Variants in HES2 observed in about 807,000 individuals in gnomAD.
HES2 encodes transcription factor HES-2.
Under a neutral mutation model 11.9 loss-of-function variants are expected in HES2, and 11 were observed. That is an observed-to-expected ratio of 0.92 (90% CI 0.58 to 1.53). The LOEUF (loss-of-function observed/expected upper bound fraction) is 1.53. Among genes scored for constraint, HES2 ranks in the 40% most tolerant of loss-of-function variants. The pLI, the probability that HES2 is intolerant of heterozygous loss-of-function variation, is 0.00. For missense variants in HES2, 260 were observed against 253.8 expected (o/e 1.02, Z -0.16); for synonymous variants, 125 against 122.8 (o/e 1.02, Z -0.12).
Position 6,419,895 on chromosome 1 carries a change from C to T in HES2, c.-75G>A. 2.1e-6 allele frequency: 3 copies of T among 1,445,846 alleles called. No homozygotes were observed. The highest frequency in any genetic ancestry group is 1.4e-5 in the South Asian group (1 of 69,494). The allele number at this position is 1,445,846 out of a possible 1,614,324, so 89.6% of individuals were successfully genotyped here. A position where few individuals can be genotyped will look rare whatever the true frequency, so the allele number is the denominator to read the frequency against. ...GAGGTCCGAAATGAGGTCCCGGGCG[C>T]GGCCCGGGCTGGTGCCAGACGAGTG... is the stretch of plus-strand genomic sequence containing the variant. On this transcript the variant is annotated 5_prime_UTR_variant, in exon 1 of 4. Coordinates refer to ENST00000377834, the MANE Select transcript of HES2 (RefSeq NM_019089.5). The surrounding 1 kb of genome is among the most constrained non-coding windows in gnomAD (Gnocchi z 8.1).
At position 6,418,797 on chromosome 1, in the gene HES2, C is replaced by G. The variant is rs547470315; in HGVS notation, c.*76G>C. 32 of 1,255,562 alleles carry G rather than the reference C, an allele frequency of 2.5e-5. No individual in the cohort carries two copies. In the African/African-American group the frequency reaches 4.7e-4, roughly 18 times the overall value. 77.8% of individuals were successfully genotyped at this position (1,255,562 alleles called of 1,614,324 possible). A position where few individuals can be genotyped will look rare whatever the true frequency, so the allele number is the denominator to read the frequency against. ...GGCCCCTAATGATGGGAACAGCAGC[C>G]GCCACCAAGAGCTTCAACCTGTCCA... On this transcript the variant is annotated 3_prime_UTR_variant, in exon 4 of 4. Transcript: ENST00000377834.
chr1:6,419,573 C>G lies in HES2; in HGVS notation c.141+34G>C. On this transcript the variant is annotated intron_variant, in intron 2 of 3. Transcript: ENST00000377834. The surrounding 1 kb of genome is among the most constrained non-coding windows in gnomAD (Gnocchi z 8.1). ...GTCCCCCTGCCCCCGCTCCGCGCCC[C>G]AGGACCCTCTGCCCTCCGCCCGGGC... is the stretch of plus-strand genomic sequence containing the variant. 6.6e-7 allele frequency: 1 copy of G among 1,505,362 alleles called. No individual in the cohort carries two copies. The highest frequency in any genetic ancestry group is 8.9e-7 in the Non-Finnish European group (1 of 1,124,512). 93.3% of individuals were successfully genotyped at this position (1,505,362 alleles called of 1,614,324 possible).
chr1:6,417,224 A>T lies in HES2; in HGVS notation c.*1649T>A, dbSNP rs1458716641. ...TGGCTGAACAATGATTTTTTCAATA[A>T]TGCCTACAGCTTCCTTCATATCCTG... On this transcript the variant is annotated 3_prime_UTR_variant, in exon 4 of 4. Coordinates refer to ENST00000377834, the MANE Select transcript of HES2 (RefSeq NM_019089.5). 1.3e-5 allele frequency: 2 copies of T among 152,212 alleles called. No individual in the cohort carries two copies. Among genetic ancestry groups the T allele is most frequent in the Non-Finnish European group, 2.9e-5 (2 of 68,038 alleles). The allele number at this position is 152,212 out of a possible 1,614,324, so 9.4% of individuals were successfully genotyped here.
Position 6,418,999 on chromosome 1 carries a change from G to A in HES2, c.396C>T (p.Arg132=). ...RAASATLDGG[R]AGDSSGPSAP... ...CAGACGGGCCACTGGAATCCCCAGCGCGCCCGCCGTCCAGGGTGGCGCTGG... is the reference window on the plus strand; with the variant it reads ...CAGACGGGCCACTGGAATCCCCAGCACGCCCGCCGTCCAGGGTGGCGCTGG... Residue 132 remains arginine (R), a synonymous_variant, in exon 4 of 4, where the codon CGC becomes CGT. Transcript: ENST00000377834. 2 of 1,368,808 alleles carry A rather than the reference G, an allele frequency of 1.5e-6. No homozygotes were observed. Among genetic ancestry groups the A allele is most frequent in the Non-Finnish European group, 1.9e-6 (2 of 1,071,886 alleles). 84.8% of individuals were successfully genotyped at this position (1,368,808 alleles called of 1,614,324 possible). A position where few individuals can be genotyped will look rare whatever the true frequency, so the allele number is the denominator to read the frequency against.
At position 6,418,478 on chromosome 1, in the gene HES2, C is replaced by T. The variant is rs1642873840; in HGVS notation, c.*395G>A. ...GGGAGAGCAGTGACCAGGCAGGGTG[C>T]ACGGCTGCACTTTGCCCAGGTCCTG... On this transcript the variant is annotated 3_prime_UTR_variant, in exon 4 of 4. Coordinates refer to ENST00000377834, the MANE Select transcript of HES2 (RefSeq NM_019089.5). The T allele has an allele frequency of 5.5e-6, 1 of 183,350 alleles. No individual in the cohort carries two copies. The allele number at this position is 183,350 out of a possible 1,614,324, so 11.4% of individuals were successfully genotyped here. A position where few individuals can be genotyped will look rare whatever the true frequency, so the allele number is the denominator to read the frequency against.
In HES2 at chr1:6,419,260, T is replaced by C. The variant is rs1571372747; in HGVS notation, c.222A>G (p.Ser74=). The C allele has an allele frequency of 6.2e-7, 1 of 1,610,008 alleles. No homozygotes were observed. The highest frequency in any genetic ancestry group is 8.5e-7 in the Non-Finnish European group (1 of 1,178,964). The part of the protein sequence containing the change: ...VRFLQELPAS[S]WPTAAPLPCD... The stretch of plus-strand genomic sequence containing the variant: ...ACTCACGGGGCGCTGCCGTGGGCCA[T>C]GAGGACGCAGGCAGCTCCTGCAGGA... The change falls in exon 3 of 4, where the codon TCA becomes TCG. Residue 74 remains serine (S), a synonymous_variant. Coordinates refer to ENST00000377834, the MANE Select transcript of HES2 (RefSeq NM_019089.5). This position sits in a 1 kb window ranked among gnomAD's most constrained non-coding sequence, Gnocchi z 8.1.
chr1:6,419,795 T>C lies in HES2; in HGVS notation c.26A>G (p.Asp9Gly), dbSNP rs1366695870. MGLPRRAGDAAELRKSLKP... is the reference protein window; with the variant it reads MGLPRRAGGAAELRKSLKP... The stretch of plus-strand genomic sequence containing the variant: ...ACCCACCTTGCGCAGCTCCGCCGCG[T>C]CCCCTGCCCGGCGAGGCAGCCCCAT... Residue 9 changes from aspartate to glycine, a missense_variant, in exon 1 of 4, where the codon GAC (aspartate) becomes GGC (glycine). Asp to Gly is a moderately conservative substitution (Grantham distance 94). Transcript: ENST00000377834. This position sits in a 1 kb window ranked among gnomAD's most constrained non-coding sequence, Gnocchi z 8.1. The C allele has an allele frequency of 1.9e-6, 3 of 1,559,866 alleles. No individual in the cohort carries two copies. The highest frequency in any genetic ancestry group is 2.6e-6 in the Non-Finnish European group (3 of 1,158,140).
Position 6,418,336 on chromosome 1 carries a change from T to C in HES2, c.*537A>G, listed in dbSNP as rs1475989033. 6.5e-6 allele frequency: 1 copy of C among 153,314 alleles called. No homozygotes were observed. Among genetic ancestry groups the C allele is most frequent in the African/African-American group, 2.4e-5 (1 of 41,506 alleles). 9.5% of individuals were successfully genotyped at this position (153,314 alleles called of 1,614,324 possible). A position where few individuals can be genotyped will look rare whatever the true frequency, so the allele number is the denominator to read the frequency against. ...ACAGCTCCCAGCATATGCACCCTTT[T>C]GCTCTGCTCTGCTGCCCTGTAGAGC... On this transcript the variant is annotated 3_prime_UTR_variant, in exon 4 of 4. Transcript: ENST00000377834.
In HES2 at chr1:6,418,372, A is replaced by G. The variant is rs1194825387; in HGVS notation, c.*501T>C. On this transcript the variant is annotated 3_prime_UTR_variant, in exon 4 of 4. Transcript: ENST00000377834. ...GCTGCCCTGTAGAGCCCTGGAAGTG[A>G]CCAGAGCCCTTAGGCTACTGCTGCT... 6.5e-6 allele frequency: 1 copy of G among 154,884 alleles called. No homozygotes were observed. The highest frequency in any genetic ancestry group is 2.4e-5 in the African/African-American group (1 of 41,550). The allele number at this position is 154,884 out of a possible 1,614,324, so 9.6% of individuals were successfully genotyped here. A position where few individuals can be genotyped will look rare whatever the true frequency, so the allele number is the denominator to read the frequency against.
chr1:6,419,726 T>C lies in HES2; in HGVS notation c.46-24A>G. On this transcript the variant is annotated intron_variant, in intron 1 of 3. Coordinates refer to ENST00000377834, the MANE Select transcript of HES2 (RefSeq NM_019089.5). The surrounding 1 kb of genome is among the most constrained non-coding windows in gnomAD (Gnocchi z 8.1). ...CTCTGCGGACGGGCGGCGCGGTGGT[T>C]AGACGGGTCCCCGGAGTCCCCAGCC... 1 of 1,551,374 alleles carries C rather than the reference T, an allele frequency of 6.4e-7. No homozygotes were observed. Among genetic ancestry groups the C allele is most frequent in the Non-Finnish European group, 8.7e-7 (1 of 1,151,594 alleles).
rs1642836091 is a variant in HES2, at chr1:6,415,500, A to T, written c.*3373T>A. The T allele has an allele frequency of 6.6e-6, 1 of 151,386 alleles. No individual in the cohort carries two copies. The allele number at this position is 151,386 out of a possible 1,614,324, so 9.4% of individuals were successfully genotyped here. ...CGCCCATCCGAGATGAACCCACAGG[A>T]CACTCAGGATCCCAGACTGCAGGAG... is the stretch of plus-strand genomic sequence containing the variant. On this transcript the variant is annotated 3_prime_UTR_variant, in exon 4 of 4. Transcript: ENST00000377834.
Position 6,418,818 on chromosome 1 carries a change from G to A in HES2, c.*55C>T. On this transcript the variant is annotated 3_prime_UTR_variant, in exon 4 of 4. Transcript: ENST00000377834. Reference sequence around the variant, plus strand: ...CAGCCGCCACCAAGAGCTTCAACCTGTCCAGTGCCCCAAGGTCCCAAGCAG... The same window carrying A: ...CAGCCGCCACCAAGAGCTTCAACCTATCCAGTGCCCCAAGGTCCCAAGCAG... The A allele has an allele frequency of 7.8e-7, 1 of 1,284,200 alleles. No homozygotes were observed. Among genetic ancestry groups the A allele is most frequent in the Non-Finnish European group, 9.8e-7 (1 of 1,021,244 alleles). 79.6% of individuals were successfully genotyped at this position (1,284,200 alleles called of 1,614,324 possible).
In HES2 at chr1:6,419,890, G is replaced by C. The variant is rs1302581238; in HGVS notation, c.-70C>G. On this transcript the variant is annotated 5_prime_UTR_variant, in exon 1 of 4. Transcript: ENST00000377834. The surrounding 1 kb of genome is among the most constrained non-coding windows in gnomAD (Gnocchi z 8.1). ...AAACCGAGGTCCGAAATGAGGTCCC[G>C]GGCGCGGCCCGGGCTGGTGCCAGAC... is the stretch of plus-strand genomic sequence containing the variant. 1.4e-6 allele frequency: 2 copies of C among 1,455,910 alleles called. No homozygotes were observed. Among genetic ancestry groups the C allele is most frequent in the East Asian group, 5.8e-5 (2 of 34,636 alleles). 90.2% of individuals were successfully genotyped at this position (1,455,910 alleles called of 1,614,324 possible). A position where few individuals can be genotyped will look rare whatever the true frequency, so the allele number is the denominator to read the frequency against.
In HES2 at chr1:6,419,193, CGGGTGCG is replaced by C. The variant is rs764663702; in HGVS notation, c.241+41_242-41del. On this transcript the variant is annotated intron_variant, in intron 3 of 3. Coordinates refer to ENST00000377834, the MANE Select transcript of HES2 (RefSeq NM_019089.5). This position sits in a 1 kb window ranked among gnomAD's most constrained non-coding sequence, Gnocchi z 8.1. ...CCGCGTGAGGCGCGGGGTAGGGTGCCGGGTGCGGGGTGCAGAGCGCGCGGCAGGGCAG... is the reference window on the plus strand; with the variant it reads ...CCGCGTGAGGCGCGGGGTAGGGTGCCGGGTGCAGAGCGCGCGGCAGGGCAG... The C allele has an allele frequency of 6.3e-7, 1 of 1,585,262 alleles. No individual in the cohort carries two copies. The highest frequency in any genetic ancestry group is 1.1e-5 in the South Asian group (1 of 88,598).
Position 6,418,963 on chromosome 1 carries a change from T to C in HES2, c.432A>G (p.Pro144=), listed in dbSNP as rs762392716. 2 of 1,340,090 alleles carry C rather than the reference T, an allele frequency of 1.5e-6. No individual in the cohort carries two copies. Among genetic ancestry groups the C allele is most frequent in the Admixed American group, 8.3e-5 (2 of 24,150 alleles). The allele number at this position is 1,340,090 out of a possible 1,614,324, so 83.0% of individuals were successfully genotyped here. A position where few individuals can be genotyped will look rare whatever the true frequency, so the allele number is the denominator to read the frequency against. ...CGGGCTCTGGGGCAGACGCGGGCGC[T>C]GGGGCGGGGGCAGACGGGCCACTGG... The part of the protein sequence containing the change: ...GDSSGPSAPA[P]APASAPEPAS... Residue 144 remains proline (P), a synonymous_variant, in exon 4 of 4, where the codon CCA becomes CCG. Coordinates refer to ENST00000377834, the MANE Select transcript of HES2 (RefSeq NM_019089.5).
In HES2 at chr1:6,419,646, G is replaced by C. The variant is rs757571964; in HGVS notation, c.102C>G (p.Ser34Arg). ...RRRARINQSL[S>R]QLKGLILPLL... ...GCGGCAGGATGAGCCCCTTAAGCTG[G>C]CTCAGGCTCTGGTTGATGCGCGCGC... Residue 34 changes from serine (S) to arginine (R), a missense_variant, in exon 2 of 4, where the codon AGC (serine) becomes AGG (arginine). Transcript: ENST00000377834. The surrounding 1 kb of genome is among the most constrained non-coding windows in gnomAD (Gnocchi z 8.1). 4 of 1,552,586 alleles carry C rather than the reference G, an allele frequency of 2.6e-6. No homozygotes were observed. Among genetic ancestry groups the C allele is most frequent in the Non-Finnish European group, 3.5e-6 (4 of 1,152,448 alleles).
chr1:6,418,535 G>C lies in HES2; in HGVS notation c.*338C>G. The C allele has an allele frequency of 3.9e-6, 1 of 253,972 alleles. No individual in the cohort carries two copies. The allele number at this position is 253,972 out of a possible 1,614,324, so 15.7% of individuals were successfully genotyped here. On this transcript the variant is annotated 3_prime_UTR_variant, in exon 4 of 4. Transcript: ENST00000377834. ...GCTCTGGTCTGGTGCCAGTGCTGGG[G>C]TGGGTGTGTCGGCTGCCCACGCAGC...
chr1:6,416,227 AAATGACCCTTTGAATC>A lies in HES2; in HGVS notation c.*2630_*2645del, dbSNP rs1362198435. The A allele has an allele frequency of 6.6e-6, 1 of 152,280 alleles. No individual in the cohort carries two copies. The highest frequency in any genetic ancestry group is 1.5e-5 in the Non-Finnish European group (1 of 68,084). 9.4% of individuals were successfully genotyped at this position (152,280 alleles called of 1,614,324 possible). ...GGATGTGGGACTTGTGAAAGGTCAT[AAATGACCCTTTGAATC>A]AGTCTCCCTCTGCACAGGAAAAGCC... is the stretch of plus-strand genomic sequence containing the variant. On this transcript the variant is annotated 3_prime_UTR_variant, in exon 4 of 4. Coordinates refer to ENST00000377834, the MANE Select transcript of HES2 (RefSeq NM_019089.5).
At position 6,418,689 on chromosome 1, in the gene HES2, A is replaced by G; in HGVS notation, c.*184T>C. The G allele has an allele frequency of 2.0e-6, 1 of 492,674 alleles. No individual in the cohort carries two copies. The highest frequency in any genetic ancestry group is 3.2e-6 in the Non-Finnish European group (1 of 312,904). The allele number at this position is 492,674 out of a possible 1,614,324, so 30.5% of individuals were successfully genotyped here. On this transcript the variant is annotated 3_prime_UTR_variant, in exon 4 of 4. Coordinates refer to ENST00000377834, the MANE Select transcript of HES2 (RefSeq NM_019089.5). ...GCAGGGACGCTCCTTTTATTCCCTG[A>G]GCCGAGCCCCAGCCCCAGGGCTTTC...
Sources: gnomAD v4.1 joint callset for allele counts on GRCh38, gnomAD v4.1.1 for gene constraint, Gnocchi (gnomAD v3.1) non-coding constraint, MANE v1.5 for transcripts, NCBI Gene and HGNC (gene_info 2026-07-23, HGNC 2026-07-21) for gene names.